PACSIN2: variants seen among roughly 807,000 people sequenced by gnomAD.
PACSIN2 encodes protein kinase C and casein kinase substrate in neurons 2, also known as protein kinase C and casein kinase substrate in neurons protein 2.
PACSIN2 carries 25 observed loss-of-function variants against 63.8 expected under a neutral mutation model. The ratio of observed to expected loss-of-function variants is 0.39; its 90% CI spans 0.29 to 0.55. The LOEUF is 0.55. Among genes scored for constraint, PACSIN2 ranks in the 20% least tolerant of loss-of-function variants. The pLI is 0.62. For missense variants in PACSIN2, 518 were observed against 646.9 expected (o/e 0.80, Z 2.16); for synonymous variants, 255 against 256.2 (o/e 1.00, Z 0.05).
intron 1 of PACSIN2, among the ~76,000 whole-genome samples, chr22:42,991,741 A>G (rs1232345607): frequency 6.6e-6 from 1 of 151,772 alleles, no homozygotes; most frequent in Non-Finnish European, 1.5e-5. Context: ...GGTTTCACCA[A>G]TTAGAAATTT....
At chr22:42,994,867 G>C (rs1490458985) in intron 1 of PACSIN2, among the ~76,000 whole-genome samples, 1 of 152,204 alleles carries the variant, frequency 6.6e-6, no homozygotes, top group Non-Finnish European at 1.5e-5. Context: ...GAATGCAGCT[G>C]CCTCTTCCCT....
intron 1 of PACSIN2, among the ~76,000 whole-genome samples, chr22:42,927,497 T>A (rs1932612912): frequency 6.6e-6 from 1 of 151,978 alleles, no homozygotes; most frequent in Non-Finnish European, 1.5e-5. Context: ...GATCCACCCA[T>A]CTTGGCCTCC....
At chr22:42,974,283 C>G (rs1028036488) in intron 1 of PACSIN2, among the ~76,000 whole-genome samples, 2 of 152,224 alleles carry the variant, frequency 1.3e-5, no homozygotes, top group Non-Finnish European at 2.9e-5. Flanking sequence ...ACCCAAGGCC[C>G]TTTCCCATGA....
At chr22:42,982,124 T>C (rs1378140463) in intron 1 of PACSIN2, among the ~76,000 whole-genome samples, 1 of 104,682 alleles carries the variant, frequency 9.6e-6, no homozygotes, top group Non-Finnish European at 2.0e-5. Context: ...GGGAGGGAGG[T>C]GGGGGGACAG....
At chr22:42,925,480 TA>T (rs57374574) in intron 1 of PACSIN2, among the ~76,000 whole-genome samples, 3,042 of 134,082 alleles carry the variant, frequency 0.023, 66 homozygotes, top group African/African-American at 0.06. Context: ...ACTCCGTCTT[TA>T]AAAAAAAAAA....
Position 42,876,921 on chromosome 22 carries a change from G to A in PACSIN2, c.1118C>T (p.Thr373Ile), listed in dbSNP as rs1476462266. The A allele has an allele frequency of 6.2e-7, 1 of 1,614,174 alleles. No individual in the cohort carries two copies. The highest frequency in any genetic ancestry group is 8.5e-7 in the Non-Finnish European group (1 of 1,180,030). ...PFEDEDDTGS[T>I]VSEKDDTKAK... is the part of the protein sequence containing the mutation. The stretch of plus-strand genomic sequence containing the variant: ...CTTAGTGTCGTCCTTCTCACTGACG[G>A]TGCTGCCCGTGTCGTCCTCATCCTC... Residue 373 changes from threonine (T) to isoleucine (I), a missense_variant, in exon 9 of 11, where the codon ACC becomes ATC. Physicochemically the swap from Thr to Ile is moderately conservative, Grantham distance 89 (BLOSUM62 -1). Transcript: ENST00000263246.
chr22:42,969,157 A>T (rs1921054455), intron 1 of PACSIN2, among the ~76,000 whole-genome samples: 1 of 152,244 alleles, frequency 6.6e-6, no homozygotes, highest in Non-Finnish European at 1.5e-5. Context: ...AACTTAAAAG[A>T]CATGGTCACT....
At chr22:42,979,150 C>T (rs1362805163) in intron 1 of PACSIN2, among the ~76,000 whole-genome samples, 2 of 152,188 alleles carry the variant, frequency 1.3e-5, no homozygotes, top group African/African-American at 4.8e-5. Flanking sequence ...ACTTCAAAAA[C>T]AATTCAAATG....
chr22:42,968,835 T>C (rs1242374627), intron 1 of PACSIN2, among the ~76,000 whole-genome samples: 3 of 152,222 alleles, frequency 2.0e-5, no homozygotes, highest in African/African-American at 4.8e-5. Flanking sequence ...CCTGGACTTA[T>C]ACCAGCGGCC....
intron 7 of PACSIN2, 90 bp from the exon 8 acceptor site, chr22:42,879,259 A>G: frequency 1.4e-6 from 2 of 1,427,676 alleles, no homozygotes; most frequent in Non-Finnish European, 1.9e-6. Context: ...GCGAGCCTGC[A>G]GTTGGCTCTG....
In PACSIN2 at chr22:42,892,212, G is replaced by C. The variant is rs567734167; in HGVS notation, c.218-1030C>G. On this transcript the variant is annotated intron_variant, in intron 3 of 10. Coordinates refer to ENST00000263246, the MANE Select transcript of PACSIN2 (RefSeq NM_001184970.3). ...GGGGTGGCGTGAGGCTGGAGGGAGG[G>C]AGAGCCACAACGGAGCCGGGGCAGA... Among the ~76,000 whole-genome samples the C allele has an allele frequency of 2.2e-4, 34 of 152,208 alleles. No individual in the cohort carries two copies. The South Asian group carries it at 7.1e-3, about 32-fold the overall frequency.
intron 1 of PACSIN2, among the ~76,000 whole-genome samples, chr22:42,957,713 T>C (rs973461776): frequency 5.3e-5 from 8 of 152,316 alleles, no homozygotes; most frequent in East Asian, 1.9e-4. Context: ...TATTCCCTTA[T>C]AGGGGCTGAA....
At chr22:42,977,484 T>G (rs1307759142) in intron 1 of PACSIN2, among the ~76,000 whole-genome samples, 1 of 152,160 alleles carries the variant, frequency 6.6e-6, no homozygotes, top group Non-Finnish European at 1.5e-5. Context: ...AGAAACAGAA[T>G]GGTGAAAAAC....
chr22:42,944,538 T>C (rs1162040094), intron 1 of PACSIN2, among the ~76,000 whole-genome samples: 2 of 152,170 alleles, frequency 1.3e-5, no homozygotes, highest in African/African-American at 4.8e-5. Flanking sequence ...CTCTGACCCT[T>C]AAGTCCCACT....
At position 42,871,353 on chromosome 22, in the gene PACSIN2, C is replaced by T. The variant is rs1255600826; in HGVS notation, c.*4G>A. 1.9e-6 allele frequency: 3 copies of T among 1,603,928 alleles called. No homozygotes were observed. The highest frequency in any genetic ancestry group is 2.6e-6 in the Non-Finnish European group (3 of 1,170,536). ...CGTCCCCCCGCTGGCCTGTCCCCGA[C>T]TCATCACTGGATCGCCTCCACATAA... On this transcript the variant is annotated 3_prime_UTR_variant, in exon 11 of 11. Transcript: ENST00000263246. The surrounding 1 kb of genome is among the most constrained non-coding windows in gnomAD (Gnocchi z 5.4).
intron 1 of PACSIN2, among the ~76,000 whole-genome samples, chr22:42,927,111 TCTC>T (rs1487109574): frequency 6.6e-6 from 1 of 152,124 alleles, no homozygotes; most frequent in African/African-American, 2.4e-5. Context: ...CAGCCTCCGC[TCTC>T]CTCATTTAGC....
At chr22:42,999,947 G>A (rs1923661099) in intron 1 of PACSIN2, among the ~76,000 whole-genome samples, 1 of 152,254 alleles carries the variant, frequency 6.6e-6, no homozygotes, top group Non-Finnish European at 1.5e-5. Flanking sequence ...AGTTCTCTAA[G>A]GGCAATGCCA....
In PACSIN2 at chr22:42,870,384, G is replaced by A. The variant is rs1000727734; in HGVS notation, c.*973C>T. The A allele has an allele frequency of 6.6e-6, 1 of 152,154 alleles. No homozygotes were observed. The highest frequency in any genetic ancestry group is 1.5e-5 in the Non-Finnish European group (1 of 68,034). The allele number at this position is 152,154 out of a possible 1,614,324, so 9.4% of individuals were successfully genotyped here. A position where few individuals can be genotyped will look rare whatever the true frequency, so the allele number is the denominator to read the frequency against. Reference sequence around the variant, plus strand: ...TGTGCCTGAATGCCACAGACTTCAAGCAGTTTACAAACGAAACTCACTGTT... The same window carrying A: ...TGTGCCTGAATGCCACAGACTTCAAACAGTTTACAAACGAAACTCACTGTT... On this transcript the variant is annotated 3_prime_UTR_variant, in exon 11 of 11. Transcript: ENST00000263246.
intron 1 of PACSIN2, among the ~76,000 whole-genome samples, chr22:42,985,989 C>A (rs895574697): frequency 6.7e-6 from 1 of 149,476 alleles, no homozygotes. Flanking sequence ...AAAGAAACAT[C>A]GAGGTCTTCT....
Sources: allele counts gnomAD v4.1 joint callset (sites outside exome capture counted in the v4.1 genomes callset), GRCh38; gene constraint gnomAD v4.1.1; non-coding constraint Gnocchi (gnomAD v3.1); transcripts MANE v1.5; gene names NCBI Gene and HGNC (gene_info 2026-07-23, HGNC 2026-07-21).